Variants in CACNA2D4 observed in about 807,000 individuals in gnomAD.
CACNA2D4 encodes voltage-dependent calcium channel subunit alpha-2/delta-4.
CACNA2D4 carries 157 observed loss-of-function variants against 163.8 expected under a neutral mutation model. That is an observed-to-expected ratio of 0.96 (90% CI 0.84 to 1.09). The LOEUF (loss-of-function observed/expected upper bound fraction) is 1.09, where lower values mean the gene tolerates loss of function less well. Ranked by LOEUF, CACNA2D4 falls within the 50% of genes least tolerant of loss-of-function variation. The pLI is 0.00. For missense variants in CACNA2D4, 1,410 were observed against 1,479.9 expected, an observed-to-expected ratio of 0.95 and a Z score of 0.78; for synonymous variants, 598 against 586.9, an observed-to-expected ratio of 1.02 and a Z score of -0.27.
intron 6 of CACNA2D4, among the ~76,000 whole-genome samples, chr12:1,890,241 AC>A (rs886066890): frequency 5.3e-5 from 8 of 151,868 alleles, no homozygotes; most frequent in Admixed American, 2.0e-4. Context: ...GATCTCATAC[AC>A]CCCCAGATCT....
chr12:1,806,073 C>T lies in CACNA2D4; in HGVS notation c.2721+4205G>A, dbSNP rs1429600209. ...GCTGTGCTCTGAGAGATCCAGGTCC[C>T]TCAGGGAAAGGTGCTGGGATGGGGC... On this transcript the variant is annotated intron_variant, in intron 29 of 37. Transcript: ENST00000382722. This position sits in a 1 kb window ranked among gnomAD's most constrained non-coding sequence, Gnocchi z 4.1. Among the ~76,000 whole-genome samples, 1 of 152,178 alleles carries T rather than the reference C, an allele frequency of 6.6e-6. No individual in the cohort carries two copies. Among genetic ancestry groups the T allele is most frequent in the African/African-American group, 2.4e-5 (1 of 41,444 alleles).
intron 26 of CACNA2D4, among the ~76,000 whole-genome samples, chr12:1,837,082 C>A (rs1035446885): frequency 6.6e-6 from 1 of 152,314 alleles, no homozygotes; most frequent in Non-Finnish European, 1.5e-5. Context: ...GGTTGTGGTG[C>A]GAAGGTGAGC....
Position 1,878,505 on chromosome 12 carries a change from T to G in CACNA2D4, c.1645-116A>C. ...AAAGATGGCAGCTCACAGCAGTGAG[T>G]GTTTTCAATAGGAACGTAACTGAGC... is the stretch of plus-strand genomic sequence containing the variant. On this transcript the variant is annotated intron_variant, in intron 15 of 37. Coordinates refer to ENST00000382722, the MANE Select transcript of CACNA2D4 (RefSeq NM_172364.5). The surrounding 1 kb of genome is among the most constrained non-coding windows in gnomAD (Gnocchi z 4.6). The G allele has an allele frequency of 6.5e-7, 1 of 1,538,114 alleles. No individual in the cohort carries two copies. The highest frequency in any genetic ancestry group is 1.4e-5 in the African/African-American group (1 of 72,922).
rs1440614773 is a variant in CACNA2D4 at position 1,828,381 on chromosome 12, C to T, written c.2551+12358G>A. ...ATGTTCTGGGAAGCCAGGGTCACGC[C>T]CACGGTGACAGCATCCCTGCCAGTC... On this transcript the variant is annotated intron_variant, in intron 26 of 37. Coordinates refer to ENST00000382722, the MANE Select transcript of CACNA2D4 (RefSeq NM_172364.5). This position sits in a 1 kb window ranked among gnomAD's most constrained non-coding sequence, Gnocchi z 4.2. Among the ~76,000 whole-genome samples the T allele has an allele frequency of 6.6e-6, 1 of 152,202 alleles. No individual in the cohort carries two copies. Among genetic ancestry groups the T allele is most frequent in the Admixed American group, 6.5e-5 (1 of 15,288 alleles).
chr12:1,844,360 C>A lies in CACNA2D4; in HGVS notation c.2470+42G>T. 6.2e-7 allele frequency: 1 copy of A among 1,606,524 alleles called. No individual in the cohort carries two copies. Among genetic ancestry groups the A allele is most frequent in the Non-Finnish European group, 8.5e-7 (1 of 1,175,896 alleles). ...CAGCAGGAGGAGAGATGAGACTGGC[C>A]TGAGACTGGCCCAGCCCCGGGAGCA... On this transcript the variant is annotated intron_variant, in intron 25 of 37. Coordinates refer to ENST00000382722, the MANE Select transcript of CACNA2D4 (RefSeq NM_172364.5). This position sits in a 1 kb window ranked among gnomAD's most constrained non-coding sequence, Gnocchi z 4.2.
chr12:1,892,957 C>G (rs908235290), intron 6 of CACNA2D4, among the ~76,000 whole-genome samples: 1 of 152,078 alleles, frequency 6.6e-6, no homozygotes, highest in Non-Finnish European at 1.5e-5. Flanking sequence ...AATTCTAAAC[C>G]TGTGTGCACC....
intron 6 of CACNA2D4, among the ~76,000 whole-genome samples, chr12:1,901,758 C>A (rs1866542375): frequency 6.6e-6 from 1 of 151,820 alleles, no homozygotes; most frequent in Non-Finnish European, 1.5e-5. Context: ...TGAATTTTAC[C>A]AAAAATTTAA....
intron 3 of CACNA2D4, among the ~76,000 whole-genome samples, chr12:1,911,777 G>A (rs975307990): frequency 3.3e-5 from 5 of 152,196 alleles, no homozygotes; most frequent in South Asian, 2.1e-4. Context: ...CACAAGGACC[G>A]ACGCCTGAAG....
intron 26 of CACNA2D4, among the ~76,000 whole-genome samples, chr12:1,838,585 C>A (rs1236086353): frequency 6.6e-6 from 1 of 152,220 alleles, no homozygotes; most frequent in Non-Finnish European, 1.5e-5. Flanking sequence ...CATTCATGCA[C>A]CCCAGAGTGT....
At chr12:1,809,547 C>T (rs1329567143) in intron 29 of CACNA2D4, 1 of 703,000 alleles carries the variant, frequency 1.4e-6, no homozygotes. Context: ...GAATGGGCTT[C>T]TTTCTCAGTT....
rs1473394863 is a variant in CACNA2D4 at position 1,799,141 on chromosome 12, C to T, written c.2995+534G>A. 6.6e-6 allele frequency among the ~76,000 whole-genome samples: 1 copy of T among 152,216 alleles called. No individual in the cohort carries two copies. The highest frequency in any genetic ancestry group is 6.5e-5 in the Admixed American group (1 of 15,280). On this transcript the variant is annotated intron_variant, in intron 34 of 37. Coordinates refer to ENST00000382722, the MANE Select transcript of CACNA2D4 (RefSeq NM_172364.5). This position sits in a 1 kb window ranked among gnomAD's most constrained non-coding sequence, Gnocchi z 4.7. ...GTCATGGAGGGCCCAGGCGCCCGGGCAGTGAGTGCTTTGAAAGGCCAGGCT... is the reference window on the plus strand; with the variant it reads ...GTCATGGAGGGCCCAGGCGCCCGGGTAGTGAGTGCTTTGAAAGGCCAGGCT...
At chr12:1,881,244 C>T (rs113914478) in intron 13 of CACNA2D4, among the ~76,000 whole-genome samples, 86 of 152,252 alleles carry the variant, frequency 5.6e-4, no homozygotes, top group Middle Eastern at 6.8e-3. Flanking sequence ...CGTCTGTGTG[C>T]GTGGAGGTAA....
At chr12:1,815,120 G>C (rs982895289) in intron 26 of CACNA2D4, among the ~76,000 whole-genome samples, 6 of 152,160 alleles carry the variant, frequency 3.9e-5, no homozygotes, top group Non-Finnish European at 7.3e-5. Flanking sequence ...TCAAACTCTT[G>C]ACCTCAAGTG....
intron 26 of CACNA2D4, among the ~76,000 whole-genome samples, chr12:1,822,529 C>T (rs374956607): frequency 6.6e-6 from 1 of 152,310 alleles, no homozygotes; most frequent in East Asian, 1.9e-4. Flanking sequence ...TCCTTCATGT[C>T]AGGGACCAGC....
Position 1,886,304 on chromosome 12 carries a change from C to T in CACNA2D4, c.912G>A (p.Gly304=), listed in dbSNP as rs74699105. Residue 304 remains glycine, a synonymous_variant, in exon 8 of 38, where the codon GGG becomes GGA. Transcript: ENST00000382722. ...ILVDVSGSMK[G]LRMTIAKHTI... ...TGTGCTTGGCAATAGTCATCCTCAG[C>T]CCCTTCATACTGCCGCTCACGTCCA... is the stretch of plus-strand genomic sequence containing the variant. 2,223 of 1,613,740 alleles carry T rather than the reference C, an allele frequency of 1.4e-3. 20 individuals are homozygous for T. The African/African-American group carries it at 0.026, about 19-fold the overall frequency.
At chr12:1,886,472 G>A (rs1039056224) in intron 7 of CACNA2D4, 99 bp from the exon 8 acceptor site, 13 of 1,150,814 alleles carry the variant, frequency 1.1e-5, no homozygotes, top group Admixed American at 7.0e-5. Flanking sequence ...ATGCTGGCTC[G>A]AGCCCACCCA....
At chr12:1,885,125 G>C (rs779951437) in intron 9 of CACNA2D4, 49 bp from the exon 10 acceptor site, 1 of 1,469,522 alleles carries the variant, frequency 6.8e-7, no homozygotes. Context: ...GAGTGGGCCA[G>C]TGGAGCTTCA....
chr12:1,849,396 C>A (rs912130341), intron 23 of CACNA2D4, among the ~76,000 whole-genome samples: 2 of 152,068 alleles, frequency 1.3e-5, no homozygotes, highest in South Asian at 4.1e-4. Context: ...AATAACAATG[C>A]CAATACTATT....
chr12:1,855,719 C>T (rs886942), intron 22 of CACNA2D4, among the ~76,000 whole-genome samples: 131,660 of 152,240 alleles, frequency 0.86, 57,217 homozygotes, highest in East Asian at 1. Flanking sequence ...GGTGCTTTCT[C>T]CTGACCCTTA....
Sources: gnomAD v4.1 joint callset for allele counts (sites outside exome capture counted in the v4.1 genomes callset) on GRCh38, gnomAD v4.1.1 for gene constraint, Gnocchi (gnomAD v3.1) non-coding constraint, MANE v1.5 for transcripts, NCBI Gene and HGNC (gene_info 2026-07-23, HGNC 2026-07-21) for gene names.